Variants in ANKS1B observed in about 807,000 individuals in gnomAD.
ANKS1B encodes ankyrin repeat and sterile alpha motif domain-containing protein 1B.
Under a neutral mutation model 148.3 loss-of-function variants are expected in ANKS1B, and 36 were observed. The observed-to-expected ratio is 0.24, with a 90% CI of 0.19 to 0.32. The LOEUF is 0.32. Ranked by LOEUF, ANKS1B falls within the 10% of genes least tolerant of loss-of-function variation. ANKS1B has a pLI of 1.00. For synonymous variants in ANKS1B, 542 were observed against 560.8 expected, an observed-to-expected ratio of 0.97 and a Z score of 0.47; for missense variants, 1,157 against 1,542.6, an observed-to-expected ratio of 0.75 and a Z score of 4.19.
intron 10 of ANKS1B, among the ~76,000 whole-genome samples, chr12:99,478,651 C>A (rs1595595261): frequency 6.6e-6 from 1 of 152,008 alleles, no homozygotes; most frequent in African/African-American, 2.4e-5. Flanking sequence ...ATGTACAGAA[C>A]TAGCCAGTGG....
intron 12 of ANKS1B, among the ~76,000 whole-genome samples, chr12:99,337,966 G>A (rs543122590): frequency 9.2e-5 from 14 of 152,302 alleles, no homozygotes; most frequent in African/African-American, 3.1e-4. Flanking sequence ...AAATTGCACT[G>A]GGTCAGATCT....
intron 8 of ANKS1B, 130 bp from the exon 9 acceptor site, chr12:99,655,340 C>T (rs999681392): frequency 2.6e-6 from 2 of 762,214 alleles, no homozygotes; most frequent in African/African-American, 1.7e-5. Flanking sequence ...GCCACAGTTA[C>T]ATGGCTGTGC....
At chr12:98,740,017 C>T (rs755595505), downstream of ANKS1B, among the ~76,000 whole-genome samples, 13 of 152,050 alleles carry the variant, frequency 8.5e-5, no homozygotes, top group South Asian at 2.1e-4. Flanking sequence ...TGAACTATCC[C>T]GAACTTGATT....
rs549736321 is a variant in ANKS1B at position 98,838,892 on chromosome 12, T to C, written c.2779-6756A>G. On this transcript the variant is annotated intron_variant, in intron 17 of 26. Coordinates refer to ENST00000683438, the MANE Select transcript of ANKS1B (RefSeq NM_001352186.2). ...TAAAATTGCAAATAATTGTCAAAGT[T>C]TTCCCCCCTGCCTGATAACAATTTC... Among the ~76,000 whole-genome samples, 3 of 152,214 alleles carry C rather than the reference T, an allele frequency of 2.0e-5. No homozygotes were observed. In the South Asian group the frequency reaches 6.2e-4, roughly 32 times the overall value.
At chr12:99,904,436 C>A (rs2093710002) in intron 1 of ANKS1B, among the ~76,000 whole-genome samples, 1 of 152,146 alleles carries the variant, frequency 6.6e-6, no homozygotes, top group Non-Finnish European at 1.5e-5. Context: ...AGGTGATCCG[C>A]CTGCCTCAGC....
intron 17 of ANKS1B, among the ~76,000 whole-genome samples, chr12:98,963,424 T>C (rs1215071020): frequency 1.3e-5 from 2 of 152,156 alleles, no homozygotes; most frequent in Admixed American, 1.3e-4. Flanking sequence ...GTGAGCCACC[T>C]GCTATGGCCT....
At chr12:98,796,505 T>C (rs1041260296) in intron 22 of ANKS1B, among the ~76,000 whole-genome samples, 1 of 152,178 alleles carries the variant, frequency 6.6e-6, no homozygotes, top group Non-Finnish European at 1.5e-5. Flanking sequence ...CAAGTTGAGA[T>C]CTACATCATT....
chr12:99,282,988 G>T (rs577925066), intron 12 of ANKS1B, among the ~76,000 whole-genome samples: 2 of 152,184 alleles, frequency 1.3e-5, no homozygotes, highest in Middle Eastern at 6.8e-3. Context: ...AAGAAATAGC[G>T]GAGACAAGAA....
At chr12:99,555,651 A>T (rs1186263788) in intron 9 of ANKS1B, among the ~76,000 whole-genome samples, 1 of 152,046 alleles carries the variant, frequency 6.6e-6, no homozygotes, top group Admixed American at 6.6e-5. Flanking sequence ...ACATGAAAGG[A>T]GGTTGAATTT....
intron 17 of ANKS1B, among the ~76,000 whole-genome samples, chr12:98,968,952 C>T (rs2099880930): frequency 6.6e-6 from 1 of 152,190 alleles, no homozygotes; most frequent in African/African-American, 2.4e-5. Flanking sequence ...ATGTCTCTTG[C>T]ACTAAGTTTT....
At chr12:99,402,571 T>C (rs760219341) in intron 11 of ANKS1B, among the ~76,000 whole-genome samples, 2 of 145,848 alleles carry the variant, frequency 1.4e-5, no homozygotes, top group Non-Finnish European at 3.0e-5. Flanking sequence ...ACATGTGGTA[T>C]TTGATTTTCT....
At chr12:98,894,636 C>G (rs1483222460) in intron 17 of ANKS1B, 1 of 985,078 alleles carries the variant, frequency 1.0e-6, no homozygotes, top group East Asian at 1.1e-4. Context: ...TCACCCGAGC[C>G]GCTCGGGCTG....
intron 4 of ANKS1B, among the ~76,000 whole-genome samples, chr12:99,784,281 CCT>C (rs776168162): frequency 1.4e-4 from 21 of 151,928 alleles, no homozygotes; most frequent in African/African-American, 3.6e-4. Context: ...ACACCATTCC[CCT>C]GTCTCAGCCT....
At chr12:99,068,397 G>A (rs899962980) in intron 16 of ANKS1B, among the ~76,000 whole-genome samples, 2 of 152,108 alleles carry the variant, frequency 1.3e-5, no homozygotes, top group African/African-American at 4.8e-5. Flanking sequence ...ACTGAAAACT[G>A]TAGGCAACTT....
chr12:98,936,737 A>G (rs1412539008), intron 17 of ANKS1B, among the ~76,000 whole-genome samples: 1 of 152,202 alleles, frequency 6.6e-6, no homozygotes, highest in Non-Finnish European at 1.5e-5. Flanking sequence ...ATCTCAATAC[A>G]GTGGTCTTAA....
At chr12:99,145,447 G>A (rs1199052951) in intron 15 of ANKS1B, among the ~76,000 whole-genome samples, 2 of 152,058 alleles carry the variant, frequency 1.3e-5, no homozygotes, top group Non-Finnish European at 2.9e-5. Flanking sequence ...GGAGCAAGGG[G>A]AGCACCTAGA....
intron 1 of ANKS1B, among the ~76,000 whole-genome samples, chr12:99,830,920 A>G (rs1450440381): frequency 6.6e-6 from 1 of 152,150 alleles, no homozygotes; most frequent in East Asian, 1.9e-4. Flanking sequence ...CCTCAATCAT[A>G]TGGCTCAATC....
rs144106413 is a variant in ANKS1B, at chr12:99,775,189, T to C, written c.961+359A>G. ...AAATAAAAAATACTATGTGAGATGATGGCTATGTTAATTAGCTTGATTTTG... is the reference window on the plus strand; with the variant it reads ...AAATAAAAAATACTATGTGAGATGACGGCTATGTTAATTAGCTTGATTTTG... On this transcript the variant is annotated intron_variant, in intron 7 of 26. Transcript: ENST00000683438. 5.7e-3 allele frequency among the ~76,000 whole-genome samples: 861 copies of C among 152,270 alleles called. 14 individuals carry two copies. Among genetic ancestry groups the C allele is most frequent in the African/African-American group, 0.019 (807 of 41,578 alleles).
At chr12:99,446,836 A>G (rs536484504) in intron 10 of ANKS1B, among the ~76,000 whole-genome samples, 21 of 152,168 alleles carry the variant, frequency 1.4e-4, no homozygotes, top group African/African-American at 4.6e-4. Flanking sequence ...TTTGAGTACT[A>G]TATAGTATAA....
Sources: gnomAD v4.1 joint callset for allele counts (sites outside exome capture counted in the v4.1 genomes callset) on GRCh38, gnomAD v4.1.1 for gene constraint, MANE v1.5 for transcripts, NCBI Gene and HGNC (gene_info 2026-07-23, HGNC 2026-07-21) for gene names.